The following TBC1D19 variants were observed in gnomAD, a reference collection of about 807,000 sequenced individuals.
TBC1D19 encodes the protein TBC1 domain family, member 19.
TBC1D19 carries 60 observed loss-of-function variants against 89.0 expected under a neutral mutation model. The ratio of observed to expected loss-of-function variants is 0.67; its 90% CI spans 0.55 to 0.84. The LOEUF (loss-of-function observed/expected upper bound fraction) is 0.84. TBC1D19 is among the 40% of genes least tolerant of loss of function. TBC1D19 has a pLI of 0.00. For missense variants in TBC1D19, 500 were observed against 610.8 expected, an observed-to-expected ratio of 0.82 and a Z score of 1.91; for synonymous variants, 189 against 199.7, an observed-to-expected ratio of 0.95 and a Z score of 0.45.
intron 4 of TBC1D19, among the ~76,000 whole-genome samples, chr4:26,630,027 T>C (rs1447187240): frequency 6.6e-6 from 1 of 151,726 alleles, no homozygotes; most frequent in Admixed American, 6.6e-5. Context: ...AGAAAATAGT[T>C]TTCTGATTTT....
the TBC1D19 span, among the ~76,000 whole-genome samples, chr4:26,813,035 T>A: frequency 1.3e-5 from 2 of 151,924 alleles, no homozygotes; most frequent in African/African-American, 2.4e-5. Context: ...CTGGACAACA[T>A]GATTAGGCCT....
rs567782455 is a variant in TBC1D19 at position 26,655,312 on chromosome 4, G to A, written c.481-4285G>A. 1.8e-3 allele frequency among the ~76,000 whole-genome samples: 268 copies of A among 152,324 alleles called. 1 individual carries two copies. Among genetic ancestry groups the A allele is most frequent in the African/African-American group, 6.0e-3 (249 of 41,568 alleles). ...GGCGTGCCTCCCAGTTAAGCTACTC[G>A]GAGGTCAGGGACCCACTTGAGGAGG... On this transcript the variant is annotated intron_variant, in intron 7 of 20. Transcript: ENST00000264866.
intron 1 of TBC1D19, among the ~76,000 whole-genome samples, chr4:26,588,029 T>G (rs948881070): frequency 1.3e-5 from 2 of 149,120 alleles, no homozygotes; most frequent in Non-Finnish European, 3.0e-5. Context: ...GTGTTCTTTT[T>G]TTTTTTTTTT....
rs956083220 is a variant in TBC1D19, at chr4:26,748,225, C to T, written c.1320-186C>T. ...ATTCTTCCTCTTAATACTTTAAGAC[C>T]ACTAATTTGAGGACTTATGGTTTCT... On this transcript the variant is annotated intron_variant, in intron 18 of 20. Coordinates refer to ENST00000264866, the MANE Select transcript of TBC1D19 (RefSeq NM_018317.4). Among the ~76,000 whole-genome samples, 14 of 152,082 alleles carry T rather than the reference C, an allele frequency of 9.2e-5. No individual in the cohort carries two copies. The East Asian group carries it at 2.5e-3, about 27-fold the overall frequency.
downstream of TBC1D19, among the ~76,000 whole-genome samples, chr4:26,761,042 C>T (rs1373906343): frequency 6.6e-6 from 1 of 152,064 alleles, no homozygotes; most frequent in Non-Finnish European, 1.5e-5. Flanking sequence ...GGTTTCTGGA[C>T]CCTCTATTCT....
At chr4:26,719,811 A>AG (rs1164784596) in intron 14 of TBC1D19, among the ~76,000 whole-genome samples, 3 of 152,100 alleles carry the variant, frequency 2.0e-5, no homozygotes, top group Admixed American at 6.6e-5. Context: ...TCTCTTCTTA[A>AG]GTGCCTAAGG....
chr4:26,717,531 A>G (rs1442972063), intron 13 of TBC1D19, among the ~76,000 whole-genome samples: 1 of 151,996 alleles, frequency 6.6e-6, no homozygotes, highest in African/African-American at 2.4e-5. Context: ...GACATGCCTA[A>G]CTGCGTGATG....
the TBC1D19 span, among the ~76,000 whole-genome samples, chr4:26,801,163 C>A: frequency 1.3e-5 from 2 of 152,114 alleles, no homozygotes; most frequent in Admixed American, 1.3e-4. Context: ...AGTCTTTAAT[C>A]CATCTTGAAT....
At chr4:26,841,797 G>A in the TBC1D19 span, among the ~76,000 whole-genome samples, 1 of 152,154 alleles carries the variant, frequency 6.6e-6, no homozygotes, top group African/African-American at 2.4e-5. Context: ...TGACCAGCTT[G>A]AGACACCATC....
At chr4:26,619,497 G>A (rs1018222798) in intron 3 of TBC1D19, among the ~76,000 whole-genome samples, 7 of 152,076 alleles carry the variant, frequency 4.6e-5, no homozygotes, top group Admixed American at 2.0e-4. Flanking sequence ...AAGCCACCAC[G>A]TTTGGCCTTA....
At chr4:26,605,867 C>T (rs1331870739) in intron 1 of TBC1D19, among the ~76,000 whole-genome samples, 1 of 152,132 alleles carries the variant, frequency 6.6e-6, no homozygotes, top group African/African-American at 2.4e-5. Context: ...TGAGAAGTAT[C>T]TGTTCATATC....
chr4:26,737,160 C>G (rs886552838), intron 16 of TBC1D19, among the ~76,000 whole-genome samples: 27 of 152,196 alleles, frequency 1.8e-4, no homozygotes, highest in African/African-American at 6.5e-4. Flanking sequence ...GAAAACGAGT[C>G]AAAGTACCTA....
At chr4:26,713,953 C>T (rs1367965829) in intron 13 of TBC1D19, among the ~76,000 whole-genome samples, 3 of 151,876 alleles carry the variant, frequency 2.0e-5, no homozygotes, top group Non-Finnish European at 4.4e-5. Context: ...TTGTCAGAAA[C>T]AGCATAAAGT....
chr4:26,686,466 T>C (rs1713821255), intron 12 of TBC1D19, among the ~76,000 whole-genome samples: 1 of 152,130 alleles, frequency 6.6e-6, no homozygotes, highest in Non-Finnish European at 1.5e-5. Flanking sequence ...TCTATAGTTT[T>C]CAACCATTTA....
At chr4:26,811,894 T>G in the TBC1D19 span, among the ~76,000 whole-genome samples, 1 of 152,210 alleles carries the variant, frequency 6.6e-6, no homozygotes, top group African/African-American at 2.4e-5. Flanking sequence ...TACTGCAACC[T>G]GTGTTATCAG....
At chr4:26,830,290 C>G in the TBC1D19 span, among the ~76,000 whole-genome samples, 1 of 152,206 alleles carries the variant, frequency 6.6e-6, no homozygotes, top group African/African-American at 2.4e-5. Flanking sequence ...GTGGGAGACT[C>G]TACTGGGTGG....
At chr4:26,585,626 C>T (rs1033023971) in intron 1 of TBC1D19, among the ~76,000 whole-genome samples, 2 of 151,866 alleles carry the variant, frequency 1.3e-5, no homozygotes, top group Non-Finnish European at 2.9e-5. Context: ...CTCTGTCACC[C>T]TGGCTGGAGT....
chr4:26,626,499 T>C (rs1742409492), intron 4 of TBC1D19, among the ~76,000 whole-genome samples: 1 of 152,144 alleles, frequency 6.6e-6, no homozygotes, highest in African/African-American at 2.4e-5. Context: ...GGTGGGTTAC[T>C]AATGTGGTCT....
At chr4:26,649,882 G>T (rs549602344) in intron 7 of TBC1D19, among the ~76,000 whole-genome samples, 60 of 151,816 alleles carry the variant, frequency 4.0e-4, no homozygotes, top group Admixed American at 6.6e-4. Flanking sequence ...CCCACAACAG[G>T]CCCCAGTGTG....
Sources: gnomAD v4.1 joint callset for allele counts (sites outside exome capture counted in the v4.1 genomes callset) on GRCh38, gnomAD v4.1.1 for gene constraint, MANE v1.5 for transcripts, NCBI Gene and HGNC (gene_info 2026-07-23, HGNC 2026-07-21) for gene names.